The following RNF125 variants were observed in gnomAD, a reference collection of about 807,000 sequenced individuals.
RNF125 encodes the protein E3 ubiquitin-protein ligase RNF125.
A neutral mutation model predicts 26.0 loss-of-function variants in RNF125; 21 were observed. The observed-to-expected ratio is 0.81, with a 90% confidence interval of 0.57 to 1.16. RNF125 has a LOEUF of 1.16. RNF125 is among the 50% of genes most tolerant of loss of function. RNF125 has a pLI of 0.00. For synonymous variants in RNF125, 95 were observed against 109.2 expected (o/e 0.87, Z 0.81); for missense variants, 270 against 299.4 (o/e 0.90, Z 0.72).
At chr18:32,030,322 C>A (rs1465897476) in intron 1 of RNF125, among the ~76,000 whole-genome samples, 1 of 152,112 alleles carries the variant, frequency 6.6e-6, no homozygotes, top group Non-Finnish European at 1.5e-5. Flanking sequence ...GGATTACAGG[C>A]GTGAGCCACC....
intron 1 of RNF125, among the ~76,000 whole-genome samples, chr18:32,030,600 C>A (rs1172025612): frequency 6.6e-6 from 1 of 152,204 alleles, no homozygotes; most frequent in African/African-American, 2.4e-5. Context: ...CTAAGGCCCC[C>A]AACCAACTGA....
chr18:32,084,381 A>C, the RNF125 span, among the ~76,000 whole-genome samples: 5 of 152,156 alleles, frequency 3.3e-5, no homozygotes, highest in African/African-American at 1.2e-4. Flanking sequence ...CAAACAAAAA[A>C]ACAAGAACAG....
the RNF125 span, among the ~76,000 whole-genome samples, chr18:32,085,873 A>G: frequency 1.3e-5 from 2 of 152,134 alleles, no homozygotes; most frequent in African/African-American, 4.8e-5. Flanking sequence ...GAGCAGAACA[A>G]CAAGGGCAGA....
intron 1 of RNF125, among the ~76,000 whole-genome samples, chr18:32,033,420 T>G (rs2039119265): frequency 1.3e-5 from 2 of 151,014 alleles, no homozygotes; most frequent in South Asian, 4.2e-4. Flanking sequence ...CCCAGCTGCT[T>G]GGGAGGCTGA....
chr18:32,081,151 G>T, the RNF125 span, among the ~76,000 whole-genome samples: 1 of 138,024 alleles, frequency 7.2e-6, no homozygotes, highest in Admixed American at 8.2e-5. Flanking sequence ...CCAAGATCTC[G>T]CCACTGGACT....
rs533221261 is a variant in RNF125, at chr18:32,065,987, C to G, written c.590C>G (p.Thr197Ser). Reference sequence around the variant, plus strand: ...ATAAGACATCTGCAAGTTAGTCACACTTTGTTTTATGATGATTTCATAGTA... The same window carrying G: ...ATAAGACATCTGCAAGTTAGTCACAGTTTGTTTTATGATGATTTCATAGTA... ...SLIRHLQVSHTLFYDDFIDFN... is the reference protein window; with the variant it reads ...SLIRHLQVSHSLFYDDFIDFN... The change falls in exon 5 of 6, where the codon ACT (threonine) becomes AGT (serine). Residue 197 changes from threonine to serine, a missense_variant. Coordinates refer to ENST00000217740, the MANE Select transcript of RNF125 (RefSeq NM_017831.4). 1 of 1,604,416 alleles carries G rather than the reference C, an allele frequency of 6.2e-7. No homozygotes were observed. Among genetic ancestry groups the G allele is most frequent in the African/African-American group, 1.3e-5 (1 of 74,796 alleles).
intron 1 of RNF125, among the ~76,000 whole-genome samples, chr18:32,035,250 G>GTCTCAA (rs2039141518): frequency 6.6e-6 from 1 of 152,174 alleles, no homozygotes; most frequent in African/African-American, 2.4e-5. Flanking sequence ...ACAAGTAGAT[G>GTCTCAA]TCTCAATCAC....
intron 2 of RNF125, among the ~76,000 whole-genome samples, chr18:32,037,530 G>A (rs534227555): frequency 2.0e-5 from 3 of 151,752 alleles, no homozygotes; most frequent in Admixed American, 6.6e-5. Flanking sequence ...CTGCCATCAC[G>A]CCTGGCTAAT....
chr18:32,041,637 T>G (rs1010271692), intron 2 of RNF125, among the ~76,000 whole-genome samples: 3 of 132,142 alleles, frequency 2.3e-5, no homozygotes, highest in African/African-American at 8.5e-5. Context: ...TTTTTTTTTT[T>G]TTTTTTTTTT....
At chr18:32,085,371 AGCAG>A in the RNF125 span, among the ~76,000 whole-genome samples, 65 of 103,442 alleles carry the variant, frequency 6.3e-4, 1 homozygote, top group African/African-American at 2.5e-3. Context: ...CACTGCCAGA[AGCAG>A]AGAGAGAGAG....
chr18:32,036,768 GAAGA>G (rs2039160076), intron 1 of RNF125, among the ~76,000 whole-genome samples: 1 of 152,104 alleles, frequency 6.6e-6, no homozygotes, highest in African/African-American at 2.4e-5. Context: ...AAACCCCACA[GAAGA>G]AAGACATATT....
chr18:32,051,291 T>C (rs1044178981), intron 4 of RNF125, among the ~76,000 whole-genome samples: 1 of 152,018 alleles, frequency 6.6e-6, no homozygotes, highest in African/African-American at 2.4e-5. Flanking sequence ...GCCTAGAACA[T>C]AGCAGGATGT....
chr18:32,031,213 T>C (rs905490806), intron 1 of RNF125: 7 of 151,778 alleles, frequency 4.6e-5, no homozygotes, highest in African/African-American at 1.7e-4. Flanking sequence ...TGGGAAGAAC[T>C]GAGGTTTCTT....
chr18:32,059,791 G>C (rs2144507420), intron 4 of RNF125, among the ~76,000 whole-genome samples: 1 of 147,800 alleles, frequency 6.8e-6, no homozygotes, highest in East Asian at 1.9e-4. Context: ...ATTTGATTTT[G>C]ACTATTTTTT....
chr18:32,063,102 C>T (rs1310157997), intron 4 of RNF125, among the ~76,000 whole-genome samples: 2 of 151,574 alleles, frequency 1.3e-5, no homozygotes, highest in Non-Finnish European at 2.9e-5. Context: ...CGCCTGTAAT[C>T]CCAGCTACTT....
chr18:32,076,974 T>C (rs2039574555), downstream of RNF125, among the ~76,000 whole-genome samples: 1 of 152,208 alleles, frequency 6.6e-6, no homozygotes. Context: ...TCCATAACTG[T>C]ACTAGAATGA....
the RNF125 span, among the ~76,000 whole-genome samples, chr18:32,087,588 T>C: frequency 2.6e-5 from 4 of 151,704 alleles, no homozygotes; most frequent in Admixed American, 2.0e-4. Flanking sequence ...CTGTGTTGAT[T>C]GTTGTGGTGC....
At chr18:32,087,569 AGTC>A in the RNF125 span, among the ~76,000 whole-genome samples, 1 of 151,828 alleles carries the variant, frequency 6.6e-6, no homozygotes, top group African/African-American at 2.4e-5. Context: ...TGTTCACAGA[AGTC>A]TTCTTCTGTG....
At chr18:32,049,361 G>A (rs2039302485) in intron 4 of RNF125, among the ~76,000 whole-genome samples, 1 of 152,200 alleles carries the variant, frequency 6.6e-6, no homozygotes, top group South Asian at 2.1e-4. Context: ...TTTGTAAAAT[G>A]GGGATGGTGA....
Sources: gnomAD v4.1 joint callset for allele counts (sites outside exome capture counted in the v4.1 genomes callset) on GRCh38, gnomAD v4.1.1 for gene constraint, MANE v1.5 for transcripts, NCBI Gene and HGNC (gene_info 2026-07-23, HGNC 2026-07-21) for gene names.